The following BICD2 variants were observed in gnomAD, a reference collection of about 807,000 sequenced individuals.
BICD2 encodes the protein protein bicaudal D homolog 2.
Under a neutral mutation model 72.9 loss-of-function variants are expected in BICD2, and 25 were observed. The observed-to-expected ratio is 0.34, with a 90% CI of 0.25 to 0.48. The LOEUF (loss-of-function observed/expected upper bound fraction) is 0.48. Ranked by LOEUF, BICD2 falls within the 20% of genes least tolerant of loss-of-function variation. BICD2 has a pLI of 0.99. For missense variants in BICD2, 894 were observed against 1,175.2 expected (o/e 0.76, Z 3.50); for synonymous variants, 501 against 516.1 (o/e 0.97, Z 0.40).
At chr9:92,749,964 G>A (rs542306499) in intron 1 of BICD2, among the ~76,000 whole-genome samples, 1 of 152,374 alleles carries the variant, frequency 6.6e-6, no homozygotes, top group Admixed American at 6.5e-5. Context: ...GCCAGGCTGG[G>A]CTGAAAGCCA....
intron 1 of BICD2, among the ~76,000 whole-genome samples, chr9:92,761,908 T>C (rs954761366): frequency 1.3e-5 from 2 of 152,184 alleles, no homozygotes; most frequent in Non-Finnish European, 2.9e-5. Context: ...AGCACCGTGC[T>C]ATGTTGTCAG....
intron 1 of BICD2, among the ~76,000 whole-genome samples, chr9:92,751,993 C>T (rs1349013159): frequency 6.6e-6 from 1 of 151,864 alleles, no homozygotes; most frequent in Non-Finnish European, 1.5e-5. Flanking sequence ...TTAGTAGAGA[C>T]GAGGTTTCCC....
chr9:92,747,915 C>A (rs1041475323), intron 1 of BICD2, among the ~76,000 whole-genome samples: 9 of 152,330 alleles, frequency 5.9e-5, no homozygotes, highest in Admixed American at 3.9e-4. Context: ...ACAGGCCCCA[C>A]ACCCGAAGTG....
intron 1 of BICD2, among the ~76,000 whole-genome samples, chr9:92,736,631 T>A (rs1173121326): frequency 6.6e-6 from 1 of 152,256 alleles, no homozygotes; most frequent in Non-Finnish European, 1.5e-5. Flanking sequence ...CTTAATAAAC[T>A]TGCTTTCGCT....
intron 2 of BICD2, 135 bp from the exon 3 acceptor site, chr9:92,722,943 G>T: frequency 9.2e-7 from 1 of 1,085,844 alleles, no homozygotes; most frequent in Non-Finnish European, 1.3e-6. Flanking sequence ...CAGTGTGACT[G>T]CCTGGAGAGG....
At position 92,715,177 on chromosome 9, in the gene BICD2, T is replaced by G. The variant is rs1412613776; in HGVS notation, c.2545A>C (p.Lys849Gln). 6.2e-7 allele frequency: 1 copy of G among 1,601,732 alleles called. No individual in the cohort carries two copies. The highest frequency in any genetic ancestry group is 8.5e-7 in the Non-Finnish European group (1 of 1,171,936). Residue 849 changes from lysine (K) to glutamine (Q), a missense_variant, in exon 7 of 7, where the codon AAG becomes CAG. By Grantham distance (53) the Lys-to-Gln change is moderately conservative. This residue lies in a region of BICD2 where 321 missense variants were observed against 443.9 expected (regional missense o/e 0.72). Transcript: ENST00000356884. Reference sequence around the variant, plus strand: ...CCCTAATCACAGTAAATGCTGTGCTTCTCGCTGCAGAACACCTGGTTGGCC... The same window carrying G: ...CCCTAATCACAGTAAATGCTGTGCTGCTCGCTGCAGAACACCTGGTTGGCC... ...GLANQVFCSE[K>Q]HSIYCD
At chr9:92,743,343 C>T (rs1354703284) in intron 1 of BICD2, among the ~76,000 whole-genome samples, 1 of 150,710 alleles carries the variant, frequency 6.6e-6, no homozygotes, top group Non-Finnish European at 1.5e-5. Flanking sequence ...CAGGCACGTG[C>T]CACCATGCCA....
chr9:92,762,979 C>T (rs1854401838), intron 1 of BICD2, among the ~76,000 whole-genome samples: 1 of 152,210 alleles, frequency 6.6e-6, no homozygotes, highest in Non-Finnish European at 1.5e-5. Flanking sequence ...CCCTATCACA[C>T]GCCCCACCCT....
At chr9:92,748,334 G>A (rs748656090) in intron 1 of BICD2, among the ~76,000 whole-genome samples, 3 of 152,156 alleles carry the variant, frequency 2.0e-5, no homozygotes, top group Non-Finnish European at 4.4e-5. Flanking sequence ...TCAAACCCCC[G>A]GGTGTAAACT....
Position 92,764,260 on chromosome 9 carries a change from G to A in BICD2, c.240+245C>T, listed in dbSNP as rs1428274751. Among the ~76,000 whole-genome samples the A allele has an allele frequency of 6.6e-6, 1 of 152,138 alleles. No homozygotes were observed. The highest frequency in any genetic ancestry group is 1.5e-5 in the Non-Finnish European group (1 of 67,994). On this transcript the variant is annotated intron_variant, in intron 1 of 6. Transcript: ENST00000356884. This position sits in a 1 kb window ranked among gnomAD's most constrained non-coding sequence, Gnocchi z 5.5. The stretch of plus-strand genomic sequence containing the variant: ...GCCCAGGTCCGCACAGAAGCAGGCG[G>A]GCAGCTGCAGGAGGCGACAAGGCGC...
chr9:92,752,381 TA>T (rs1854169077), intron 1 of BICD2, among the ~76,000 whole-genome samples: 1 of 150,768 alleles, frequency 6.6e-6, no homozygotes, highest in Admixed American at 6.6e-5. Context: ...AAAGGGGGTA[TA>T]AGAGCCATCT....
At chr9:92,736,687 G>A (rs1853794046) in intron 1 of BICD2, among the ~76,000 whole-genome samples, 2 of 152,150 alleles carry the variant, frequency 1.3e-5, no homozygotes, top group African/African-American at 2.4e-5. Flanking sequence ...TGAGATTCAA[G>A]AACCCTCTCT....
chr9:92,733,963 T>C (rs914295486), intron 1 of BICD2, among the ~76,000 whole-genome samples: 5 of 151,322 alleles, frequency 3.3e-5, no homozygotes, highest in Non-Finnish European at 7.4e-5. Context: ...CAAGACTCCG[T>C]CTTAAAAAAA....
At chr9:92,751,725 A>G (rs1003613548) in intron 1 of BICD2, among the ~76,000 whole-genome samples, 2 of 152,174 alleles carry the variant, frequency 1.3e-5, no homozygotes, top group African/African-American at 4.8e-5. Context: ...TTACATCAGT[A>G]TGAACTCATG....
At chr9:92,736,695 T>C (rs1853794417) in intron 1 of BICD2, among the ~76,000 whole-genome samples, 1 of 152,164 alleles carries the variant, frequency 6.6e-6, no homozygotes, top group Non-Finnish European at 1.5e-5. Context: ...AAGAACCCTC[T>C]CTTGGGATCT....
intron 1 of BICD2, among the ~76,000 whole-genome samples, chr9:92,759,362 C>G (rs1854325805): frequency 6.6e-6 from 1 of 152,230 alleles, no homozygotes; most frequent in Non-Finnish European, 1.5e-5. Flanking sequence ...TGACACTGTT[C>G]TCTCCACTTT....
chr9:92,714,088 T>C lies in BICD2; in HGVS notation c.*1066A>G. 2.0e-6 allele frequency: 2 copies of C among 985,866 alleles called. No homozygotes were observed. The highest frequency in any genetic ancestry group is 1.2e-6 in the Non-Finnish European group (1 of 830,268). The allele number at this position is 985,866 out of a possible 1,614,324, so 61.1% of individuals were successfully genotyped here. ...TACCTTTCCTCTTTCTCTGTTGCCA[T>C]CCCCCAGATTGCACTAAATAAAGAG... On this transcript the variant is annotated 3_prime_UTR_variant, in exon 7 of 7. Transcript: ENST00000356884.
intron 1 of BICD2, among the ~76,000 whole-genome samples, chr9:92,741,516 C>A (rs951832544): frequency 7.9e-5 from 12 of 152,226 alleles, no homozygotes; most frequent in African/African-American, 2.7e-4. Flanking sequence ...TGCTAAGATG[C>A]TTTCACCATA....
intron 1 of BICD2, among the ~76,000 whole-genome samples, chr9:92,761,207 G>A (rs1397614213): frequency 1.3e-5 from 2 of 152,216 alleles, no homozygotes; most frequent in Non-Finnish European, 2.9e-5. Context: ...ACAATGCTTA[G>A]GGCAGCCCTT....
Sources: gnomAD v4.1 joint callset for allele counts (sites outside exome capture counted in the v4.1 genomes callset) on GRCh38, gnomAD v4.1.1 for gene constraint, gnomAD v4.1.1 regional missense constraint, Gnocchi (gnomAD v3.1) non-coding constraint, MANE v1.5 for transcripts, NCBI Gene and HGNC (gene_info 2026-07-23, HGNC 2026-07-21) for gene names.